Variants in TMEM175 observed in about 807,000 individuals in gnomAD.
TMEM175 encodes the protein endosomal/lysosomal proton channel TMEM175.
Under a neutral mutation model 36.5 loss-of-function variants are expected in TMEM175, and 36 were observed. That is an observed-to-expected ratio of 0.99 (90% CI 0.76 to 1.30). The LOEUF is 1.30. Ranked by LOEUF, TMEM175 falls within the 50% of genes most tolerant of loss-of-function variation. The pLI is 0.00. For synonymous variants in TMEM175, 339 were observed against 313.4 expected, an observed-to-expected ratio of 1.08 and a Z score of -0.86; for missense variants, 705 against 692.8, an observed-to-expected ratio of 1.02 and a Z score of -0.20.
chr4:947,936 C>T (rs1385813753), intron 2 of TMEM175, 44 bp downstream of exon 2: 1 of 1,613,726 alleles, frequency 6.2e-7, no homozygotes. Flanking sequence ...CCCCGAGCCT[C>T]TCGAGGCACT....
In TMEM175 at chr4:955,773, C is replaced by T. The variant is rs1174513612; in HGVS notation, c.725C>T (p.Ala242Val). Residue 242 changes from alanine (A) to valine (V), a missense_variant, in exon 10 of 11, where the codon GCT becomes GTT. Physicochemically the swap from Ala to Val is moderately conservative, Grantham distance 64 (BLOSUM62 0). Coordinates refer to ENST00000264771, the MANE Select transcript of TMEM175 (RefSeq NM_032326.4). ...TCCCCAGGCCACAGGGAGCCCTCGGCTCACCCAGTGGAAGTCTTCTCGTTT... is the reference window on the plus strand; with the variant it reads ...TCCCCAGGCCACAGGGAGCCCTCGGTTCACCCAGTGGAAGTCTTCTCGTTT... Reference protein sequence around the residue: ...DRLLGHREPSAHPVEVFSFDL... With the variant: ...DRLLGHREPSVHPVEVFSFDL... 4.3e-6 allele frequency: 7 copies of T among 1,613,588 alleles called. No individual in the cohort carries two copies. Among genetic ancestry groups the T allele is most frequent in the Non-Finnish European group, 5.9e-6 (7 of 1,179,924 alleles).
chr4:955,545 G>A, intron 9 of TMEM175, 62 bp downstream of exon 9: 1 of 1,524,082 alleles, frequency 6.6e-7, no homozygotes, highest in Non-Finnish European at 9.1e-7. Context: ...CCGTGCGGCT[G>A]CTCCGCACTG....
intron 1 of TMEM175, among the ~76,000 whole-genome samples, chr4:945,293 C>T (rs1423403539): frequency 1.3e-5 from 2 of 148,260 alleles, no homozygotes; most frequent in African/African-American, 2.5e-5. Context: ...TTTCCCCAGG[C>T]CCCCGCCGTC....
chr4:952,894 G>A (rs1201947541), intron 7 of TMEM175, among the ~76,000 whole-genome samples: 1 of 152,040 alleles, frequency 6.6e-6, no homozygotes, highest in East Asian at 1.9e-4. Flanking sequence ...TCTGACCAGA[G>A]ACTGGGAAGA....
intron 3 of TMEM175, 85 bp from the exon 4 acceptor site, chr4:950,332 GGCCA>G: frequency 8.8e-7 from 1 of 1,133,438 alleles, no homozygotes; most frequent in South Asian, 1.3e-5. Context: ...CCTGGGCCGA[GGCCA>G]GCCCCCCCTC....
At chr4:953,165 G>A (rs202113118) in intron 7 of TMEM175, 25 bp from the exon 8 acceptor site, 2 of 1,586,860 alleles carry the variant, frequency 1.3e-6, no homozygotes, top group East Asian at 2.2e-5. Context: ...TGGGGCCTGT[G>A]TCCTACAGCT....
intron 6 of TMEM175, 27 bp from the exon 7 acceptor site, chr4:952,340 G>C (rs1469621580): frequency 1.2e-6 from 2 of 1,602,128 alleles, no homozygotes; most frequent in Non-Finnish European, 8.5e-7. Context: ...GATTTGGGGG[G>C]GTTTGGTTTT....
rs941801954 is a variant in TMEM175, at chr4:956,394, G to A, written c.842+504G>A. 14 of 1,288,884 alleles carry A rather than the reference G, an allele frequency of 1.1e-5. No individual in the cohort carries two copies. The African/African-American group carries it at 1.7e-4, about 15-fold the overall frequency. 79.8% of individuals were successfully genotyped at this position (1,288,884 alleles called of 1,614,324 possible). ...CGCGGCCTCATCTGCCTCTTCGTCT[G>A]TTAGAGCGCGCGTCTCGTCTCAGTC... On this transcript the variant is annotated intron_variant, in intron 10 of 10. Coordinates refer to ENST00000264771, the MANE Select transcript of TMEM175 (RefSeq NM_032326.4).
chr4:955,365 C>T (rs375804820), intron 8 of TMEM175, 40 bp from the exon 9 acceptor site: 38 of 1,548,470 alleles, frequency 2.5e-5, no homozygotes, highest in Non-Finnish European at 3.2e-5. Context: ...GGCCTCGGAC[C>T]CCTGTGGAGG....
rs916766929 is a variant in TMEM175, at chr4:955,992, C to G, written c.842+102C>G. On this transcript the variant is annotated intron_variant, in intron 10 of 10. Transcript: ENST00000264771. ...CCCCAGAAAGGCACAGGGGTCTTGG[C>G]TCCACCCTCCTCTGGATGCCTAGAG... 5.0e-6 allele frequency: 7 copies of G among 1,389,794 alleles called. No homozygotes were observed. The African/African-American group carries it at 7.1e-5, about 14-fold the overall frequency. 86.1% of individuals were successfully genotyped at this position (1,389,794 alleles called of 1,614,324 possible).
intron 1 of TMEM175, among the ~76,000 whole-genome samples, chr4:946,886 G>GC (rs1277072306): frequency 6.7e-6 from 1 of 148,794 alleles, no homozygotes; most frequent in African/African-American, 2.5e-5. Context: ...CCGAGGGAGA[G>GC]CGCGGCCCCG....
At position 957,798 on chromosome 4, in the gene TMEM175, C is replaced by T. The variant is rs773586472; in HGVS notation, c.843-26C>T. Reference sequence around the variant, plus strand: ...CTGTGTGGCCACGGCAAGGCCGGCACAAATGCATCTATTCACTGTTCTCAG... The same window carrying T: ...CTGTGTGGCCACGGCAAGGCCGGCATAAATGCATCTATTCACTGTTCTCAG... On this transcript the variant is annotated intron_variant, in intron 10 of 10. Transcript: ENST00000264771. 6 of 1,573,320 alleles carry T rather than the reference C, an allele frequency of 3.8e-6. No individual in the cohort carries two copies. In the African/African-American group the frequency reaches 4.0e-5, roughly 11 times the overall value.
intron 3 of TMEM175, among the ~76,000 whole-genome samples, chr4:949,884 C>T (rs192598865): frequency 3.3e-4 from 51 of 152,256 alleles, no homozygotes; most frequent in Non-Finnish European, 6.0e-4. Context: ...TGTGTCCTTC[C>T]GAAGTCCGCA....
intron 1 of TMEM175, among the ~76,000 whole-genome samples, chr4:941,363 C>G (rs1369753930): frequency 8.6e-6 from 1 of 116,442 alleles, no homozygotes; most frequent in Non-Finnish European, 1.6e-5. Context: ...GTAGCAAGAG[C>G]GAAACTCTGT....
rs149676848 is a variant in TMEM175, at chr4:955,458, C to G, written c.681C>G (p.Thr227=). Residue 227 remains threonine, a synonymous_variant, in exon 9 of 11, where the codon ACC becomes ACG. Coordinates refer to ENST00000264771, the MANE Select transcript of TMEM175 (RefSeq NM_032326.4). ...VILLPYVSKV[T]GWCRDRLLGH... ...TCCTCCCCTATGTCAGCAAGGTCAC[C>G]GGCTGGTGCAGAGACAGGCTCCTGG... 1.9e-5 allele frequency: 30 copies of G among 1,614,006 alleles called. No homozygotes were observed. The highest frequency in any genetic ancestry group is 1.2e-4 in the Admixed American group (7 of 60,006).
At chr4:939,697 C>T (rs1727205181) in intron 1 of TMEM175, among the ~76,000 whole-genome samples, 1 of 152,164 alleles carries the variant, frequency 6.6e-6, no homozygotes, top group Non-Finnish European at 1.5e-5. Context: ...GCCTGAGTGA[C>T]AGAGTGAGAC....
At chr4:952,932 C>T (rs1729134478) in intron 7 of TMEM175, among the ~76,000 whole-genome samples, 1 of 151,986 alleles carries the variant, frequency 6.6e-6, no homozygotes, top group Non-Finnish European at 1.5e-5. Context: ...CCACATGCGG[C>T]CCCAGGAGCC....
In TMEM175 at chr4:951,729, C is replaced by T. The variant is rs1419728577; in HGVS notation, c.378+12C>T. On this transcript the variant is annotated intron_variant, in intron 6 of 10. Transcript: ENST00000264771. ...TCCTGCCTTACACGGTGAGCAACAC[C>T]AGGCCCCTGACACCCTGAGGCTTTG... The T allele has an allele frequency of 2.5e-6, 4 of 1,613,924 alleles. No individual in the cohort carries two copies. In the South Asian group the frequency reaches 4.4e-5, roughly 18 times the overall value.
chr4:947,653 A>G (rs2153000521), intron 1 of TMEM175, 56 bp from the exon 2 acceptor site: 7 of 1,455,546 alleles, frequency 4.8e-6, no homozygotes, highest in South Asian at 3.9e-5. Context: ...CTGAGGCTGC[A>G]TGGCCGACCT....
Sources: allele counts gnomAD v4.1 joint callset (sites outside exome capture counted in the v4.1 genomes callset), GRCh38; gene constraint gnomAD v4.1.1; transcripts MANE v1.5; gene names NCBI Gene and HGNC (gene_info 2026-07-23, HGNC 2026-07-21).